PLSCR2: variants seen among roughly 807,000 people sequenced by gnomAD.
PLSCR2 encodes phospholipid scramblase 2, also known as PL scramblase 2.
In PLSCR2, 18 loss-of-function variants were observed where a neutral mutation model predicts 25.3. The observed-to-expected ratio is 0.71, with a 90% confidence interval of 0.49 to 1.06. The LOEUF is 1.06. Among genes scored for constraint, PLSCR2 ranks in the 50% least tolerant of loss-of-function variants. The pLI, the probability that PLSCR2 is intolerant of heterozygous loss-of-function variation, is 0.00. For missense variants in PLSCR2, 243 were observed against 269.5 expected, an observed-to-expected ratio of 0.90 and a Z score of 0.69; for synonymous variants, 88 against 87.3, an observed-to-expected ratio of 1.01 and a Z score of -0.04.
At chr3:146,440,291 C>G (rs556996439), downstream of PLSCR2, among the ~76,000 whole-genome samples, 1 of 152,306 alleles carries the variant, frequency 6.6e-6, no homozygotes, top group African/African-American at 2.4e-5. Context: ...AAAAACTACT[C>G]TCTTCAAAGC....
intron 2 of PLSCR2, among the ~76,000 whole-genome samples, chr3:146,458,669 G>T (rs1269040609): frequency 1.3e-5 from 2 of 151,912 alleles, no homozygotes; most frequent in African/African-American, 4.8e-5. Flanking sequence ...TATTATAGTT[G>T]TAAATTTAGG....
At chr3:146,398,566 TA>T (rs1255818662) in intron 2 of PLSCR2, 1 of 151,166 alleles carries the variant, frequency 6.6e-6, no homozygotes, top group Non-Finnish European at 1.5e-5. Context: ...AATATTCTTT[TA>T]TTTATCTTTA....
At chr3:146,397,317 T>G (rs1399750249) in intron 2 of PLSCR2, among the ~76,000 whole-genome samples, 1 of 152,120 alleles carries the variant, frequency 6.6e-6, no homozygotes, top group African/African-American at 2.4e-5. Context: ...TGCATTAATT[T>G]TAATTTTTTT....
At chr3:146,432,096 A>T (rs1396985901), downstream of PLSCR2, among the ~76,000 whole-genome samples, 3 of 152,234 alleles carry the variant, frequency 2.0e-5, no homozygotes, top group Non-Finnish European at 1.5e-5. Flanking sequence ...AGGGAAAATA[A>T]ATTGAAACTG....
At chr3:146,404,420 CA>C (rs750909092) in intron 2 of PLSCR2, among the ~76,000 whole-genome samples, 11 of 152,282 alleles carry the variant, frequency 7.2e-5, no homozygotes, top group African/African-American at 1.2e-4. Flanking sequence ...ATAATGGCAA[CA>C]ATCTATGCAT....
intron 3 of PLSCR2, among the ~76,000 whole-genome samples, chr3:146,394,067 A>G (rs2038190846): frequency 6.6e-6 from 1 of 151,848 alleles, no homozygotes; most frequent in South Asian, 2.1e-4. Context: ...CATTGTAGTT[A>G]CCCATTTTGT....
At chr3:146,480,691 C>T (rs1201000245) in intron 1 of PLSCR2, among the ~76,000 whole-genome samples, 1 of 152,106 alleles carries the variant, frequency 6.6e-6, no homozygotes, top group Non-Finnish European at 1.5e-5. Context: ...TGAAACTATT[C>T]CAATCAATAG....
chr3:146,419,143 G>A (rs2039071187), intron 2 of PLSCR2, among the ~76,000 whole-genome samples: 1 of 151,526 alleles, frequency 6.6e-6, no homozygotes, highest in African/African-American at 2.4e-5. Context: ...CCCACATTGT[G>A]CTATAAGCAA....
chr3:146,454,254 C>T, intron 4 of PLSCR2, 91 bp from the exon 5 acceptor site: 2 of 919,038 alleles, frequency 2.2e-6, no homozygotes, highest in South Asian at 3.7e-5. Context: ...TCCTAAGTGC[C>T]AGACATTGTA....
chr3:146,397,312 T>G (rs190860531), intron 2 of PLSCR2, among the ~76,000 whole-genome samples: 2 of 152,244 alleles, frequency 1.3e-5, no homozygotes, highest in East Asian at 3.9e-4. Flanking sequence ...ATTTTTGCAT[T>G]AATTTTAATT....
intron 1 of PLSCR2, 48 bp downstream of exon 1, chr3:146,469,447 G>T: frequency 1.1e-6 from 1 of 929,502 alleles, no homozygotes; most frequent in Non-Finnish European, 1.3e-6. Flanking sequence ...CACTAGCCAG[G>T]CACACCCCAG....
At chr3:146,474,819 G>T (rs1439664743) in intron 1 of PLSCR2, among the ~76,000 whole-genome samples, 1 of 151,696 alleles carries the variant, frequency 6.6e-6, no homozygotes, top group Non-Finnish European at 1.5e-5. Context: ...ATATTTCTTG[G>T]AGGCTTTGTT....
chr3:146,393,051 C>G (rs2038143725), intron 3 of PLSCR2, among the ~76,000 whole-genome samples: 1 of 104,466 alleles, frequency 9.6e-6, no homozygotes, highest in East Asian at 2.8e-4. Context: ...TTTTTTGAGA[C>G]AGAGTCTCGC....
chr3:146,443,028 A>T (rs550030417), intron 6 of PLSCR2, among the ~76,000 whole-genome samples: 22 of 152,142 alleles, frequency 1.4e-4, no homozygotes, highest in African/African-American at 5.3e-4. Flanking sequence ...CAGCCCATGG[A>T]TTGGGGGAAA....
chr3:146,469,457 G>C (rs1015838865), intron 1 of PLSCR2, 38 bp downstream of exon 1: 1 of 939,828 alleles, frequency 1.1e-6, no homozygotes, highest in African/African-American at 1.8e-5. Context: ...GCACACCCCA[G>C]TCCCATAGGG....
chr3:146,495,688 A>G (rs1024078279), intron 1 of PLSCR2, among the ~76,000 whole-genome samples: 1 of 152,228 alleles, frequency 6.6e-6, no homozygotes, highest in South Asian at 2.1e-4. Flanking sequence ...GGAAGTACAG[A>G]AACCAGTTTC....
chr3:146,455,130 C>T (rs2041126035), intron 4 of PLSCR2, 109 bp downstream of exon 4: 1 of 722,954 alleles, frequency 1.4e-6, no homozygotes, highest in Admixed American at 2.5e-5. Flanking sequence ...AAACATATAG[C>T]TCATGGAGCC....
chr3:146,415,832 T>C (rs1406559604), intron 2 of PLSCR2, among the ~76,000 whole-genome samples: 1 of 152,218 alleles, frequency 6.6e-6, no homozygotes, highest in African/African-American at 2.4e-5. Flanking sequence ...ATTTTACATT[T>C]TCATACCAGG....
intron 6 of PLSCR2, among the ~76,000 whole-genome samples, chr3:146,446,154 C>A (rs766610595): frequency 9.2e-5 from 14 of 152,062 alleles, no homozygotes; most frequent in Non-Finnish European, 1.5e-4. Context: ...GTCCCTGGTG[C>A]CTTATTTAGT....
Sources: allele counts gnomAD v4.1 joint callset (sites outside exome capture counted in the v4.1 genomes callset), GRCh38; gene constraint gnomAD v4.1.1; transcripts MANE v1.5; gene names NCBI Gene and HGNC (gene_info 2026-07-23, HGNC 2026-07-21).